The following WNK3 variants were observed in gnomAD, a reference collection of about 807,000 sequenced individuals.
The protein encoded by WNK3 is WNK lysine deficient protein kinase 3.
WNK3 carries 18 observed loss-of-function variants against 116.7 expected under a neutral mutation model. That is an observed-to-expected ratio of 0.15 (90% CI 0.11 to 0.23). The LOEUF is 0.23. WNK3 is among the 10% of genes least tolerant of loss of function. The probability of loss-of-function intolerance (pLI) is 1.00; values close to 1 mark genes in which losing one functional copy is unlikely to be tolerated. For missense variants in WNK3, 993 were observed against 1,323.8 expected, an observed-to-expected ratio of 0.75 and a Z score of 3.88; for synonymous variants, 404 against 469.4, an observed-to-expected ratio of 0.86 and a Z score of 1.80.
chrX:54,262,061 A>G (rs915910945), intron 10 of WNK3, among the ~76,000 whole-genome samples: 10 of 111,935 alleles, frequency 8.9e-5, no homozygotes, highest in Admixed American at 2.9e-4. Context: ...TTTAATTATT[A>G]AATGTATATA....
At chrX:54,275,011 A>AT (rs1491274498) in intron 10 of WNK3, among the ~76,000 whole-genome samples, 13 of 85,039 alleles carry the variant, frequency 1.5e-4, no homozygotes, top group Non-Finnish European at 2.2e-4. Flanking sequence ...ACCCTGTCAC[A>AT]TAAAAAAAAA....
At chrX:54,353,975 G>C (rs1343998055) in intron 1 of WNK3, among the ~76,000 whole-genome samples, 1 of 105,996 alleles carries the variant, frequency 9.4e-6, no homozygotes, top group African/African-American at 3.4e-5. Flanking sequence ...CCAGTTCCTC[G>C]GGAGGCTGAG....
intron 10 of WNK3, 126 bp downstream of exon 10, chrX:54,292,762 T>A: frequency 1.6e-6 from 1 of 622,840 alleles, no homozygotes; most frequent in Non-Finnish European, 2.4e-6. Context: ...CATAAACAAC[T>A]TTTAGCTTTT....
intron 22 of WNK3, among the ~76,000 whole-genome samples, chrX:54,208,894 C>CA (rs2067583485): frequency 1.8e-5 from 2 of 111,525 alleles, no homozygotes; most frequent in Admixed American, 9.6e-5. Context: ...TCTCCAGCAA[C>CA]AAAAAAATAC....
chrX:54,202,266 GC>G (rs1392083491), intron 22 of WNK3, 73 bp from the exon 23 acceptor site: 1 of 989,980 alleles, frequency 1.0e-6, no homozygotes, highest in Non-Finnish European at 1.4e-6. Context: ...TAACTCTTTG[GC>G]CAACAAAGCA....
At chrX:54,238,522 G>T in intron 18 of WNK3, 50 bp from the exon 19 acceptor site, 4 of 1,144,381 alleles carry the variant, frequency 3.5e-6, no homozygotes, top group Non-Finnish European at 4.7e-6. Flanking sequence ...TGTTTGTTAA[G>T]ACTAAATTTG....
intron 1 of WNK3, among the ~76,000 whole-genome samples, chrX:54,340,479 C>T (rs782179300): frequency 1.2e-4 from 13 of 110,190 alleles, no homozygotes; most frequent in Non-Finnish European, 2.1e-4. Flanking sequence ...GCAGTAGTGG[C>T]GCACGCCTGT....
chrX:54,225,956 C>T lies in WNK3; in HGVS notation c.4870+2758G>A, dbSNP rs782772291. ...GCATAAGGCCAGACACAGAGATCAA[C>T]GGAGTAGAATTAAGATTACAGAAAT... On this transcript the variant is annotated intron_variant, in intron 22 of 23. Coordinates refer to ENST00000354646, the Ensembl canonical transcript of WNK3. Among the ~76,000 whole-genome samples the T allele has an allele frequency of 2.1e-4, 23 of 109,847 alleles. No homozygotes were observed. The South Asian group carries it at 7.1e-3, about 34-fold the overall frequency.
At chrX:54,276,138 G>A (rs782198159) in intron 10 of WNK3, among the ~76,000 whole-genome samples, 21 of 110,633 alleles carry the variant, frequency 1.9e-4, no homozygotes, top group South Asian at 3.9e-4. Context: ...TCAGGAGTTC[G>A]AGACCAGCCT....
intron 22 of WNK3, among the ~76,000 whole-genome samples, chrX:54,216,968 G>A (rs1557145460): frequency 8.9e-6 from 1 of 112,131 alleles, no homozygotes; most frequent in East Asian, 2.8e-4. Context: ...TTGAGGCCAG[G>A]AGTTTGAGAC....
intron 1 of WNK3, among the ~76,000 whole-genome samples, chrX:54,343,945 GCCA>G (rs1162865584): frequency 3.6e-5 from 4 of 111,054 alleles, no homozygotes; most frequent in African/African-American, 1.3e-4. Context: ...ACAGTCATGG[GCCA>G]CCATGCCTGT....
intron 23 of WNK3, among the ~76,000 whole-genome samples, chrX:54,200,847 A>G (rs1232229673): frequency 1.8e-5 from 2 of 111,856 alleles, no homozygotes; most frequent in African/African-American, 6.5e-5. Context: ...AATTTTTACA[A>G]TGGTGATGCT....
At chrX:54,221,174 C>T (rs1477535648) in intron 22 of WNK3, among the ~76,000 whole-genome samples, 1 of 111,868 alleles carries the variant, frequency 8.9e-6, no homozygotes, top group Admixed American at 9.5e-5. Context: ...AAATTCATTG[C>T]TAGCTGACCT....
At chrX:54,257,789 CAA>C (rs60655785) in intron 11 of WNK3, among the ~76,000 whole-genome samples, 100 of 15,630 alleles carry the variant, frequency 6.4e-3, no homozygotes, top group African/African-American at 0.033. Context: ...GACTCTGCCT[CAA>C]AAAAAAAAAA....
chrX:54,283,840 T>TGA (rs200974731), intron 10 of WNK3, among the ~76,000 whole-genome samples: 1,131 of 95,784 alleles, frequency 0.012, 20 homozygotes, highest in African/African-American at 0.042. Context: ...TTTCAACAGA[T>TGA]GAAGCTGTTA....
intron 12 of WNK3, among the ~76,000 whole-genome samples, chrX:54,255,415 A>AT (rs1357637005): frequency 1.8e-5 from 2 of 111,747 alleles, no homozygotes; most frequent in African/African-American, 6.5e-5. Context: ...AACTCAATAG[A>AT]TTTTTGCTGC....
rs782462896 is a variant in WNK3, at chrX:54,323,981, T to C, written c.537+9156A>G. 1.4e-4 allele frequency among the ~76,000 whole-genome samples: 16 copies of C among 112,641 alleles called. No individual in the cohort carries two copies. The East Asian group carries it at 4.2e-3, about 29-fold the overall frequency. ...ACAGAAATGTATTATCTGCTAGTTG[T>C]AGGGATTAAGAAATCCAAATTGAGT... On this transcript the variant is annotated intron_variant, in intron 2 of 23. Transcript: ENST00000354646.
At chrX:54,299,974 C>G (rs1012528931) in intron 6 of WNK3, among the ~76,000 whole-genome samples, 21 of 110,621 alleles carry the variant, frequency 1.9e-4, no homozygotes, top group African/African-American at 6.9e-4. Context: ...ATTCTCCTGC[C>G]TCAGCCCCCA....
At chrX:54,258,797 A>C (rs1436770775) in intron 11 of WNK3, among the ~76,000 whole-genome samples, 6 of 110,241 alleles carry the variant, frequency 5.4e-5, no homozygotes, top group Admixed American at 3.9e-4. Flanking sequence ...AAAAAAAAAA[A>C]CACCTCACTG....
Sources: gnomAD v4.1 joint callset for allele counts (sites outside exome capture counted in the v4.1 genomes callset) on GRCh38, gnomAD v4.1.1 for gene constraint, MANE v1.5 for transcripts, NCBI Gene and HGNC (gene_info 2026-07-23, HGNC 2026-07-21) for gene names.